ZNF208: variants seen among roughly 807,000 people sequenced by gnomAD.
The protein encoded by ZNF208 is zinc finger protein 208, also known as zinc finger protein 95.
In ZNF208, 10 loss-of-function variants were observed where a neutral mutation model predicts 12.1. That is an observed-to-expected ratio of 0.83 (90% CI 0.51 to 1.40). ZNF208 has a LOEUF of 1.40. Among genes scored for constraint, ZNF208 ranks in the 40% most tolerant of loss-of-function variants. The probability of loss-of-function intolerance (pLI) is 0.00; values close to 1 mark genes in which losing one functional copy is unlikely to be tolerated. For missense variants in ZNF208, 1,652 were observed against 1,485.0 expected (o/e 1.11, Z -1.85); for synonymous variants, 497 against 488.4 (o/e 1.02, Z -0.23).
chr19:22,006,444 T>C (rs1005708873), intron 1 of ZNF208, among the ~76,000 whole-genome samples: 5 of 152,080 alleles, frequency 3.3e-5, no homozygotes, highest in South Asian at 2.1e-4. Flanking sequence ...CAATTTACTG[T>C]TTAACAATTT....
chr19:21,950,347 C>T (rs1310107885), intron 4 of ZNF208, among the ~76,000 whole-genome samples: 3 of 152,088 alleles, frequency 2.0e-5, no homozygotes, highest in African/African-American at 4.8e-5. Context: ...ACAAAAAAGC[C>T]ACCATAAATT....
intron 3 of ZNF208, among the ~76,000 whole-genome samples, chr19:21,979,162 T>C (rs1970489029): frequency 6.6e-6 from 1 of 152,104 alleles, no homozygotes; most frequent in Non-Finnish European, 1.5e-5. Context: ...CTTCAGGATA[T>C]CATCCAGGAG....
intron 3 of ZNF208, among the ~76,000 whole-genome samples, chr19:21,982,083 C>T (rs769113067): frequency 4.6e-5 from 7 of 151,980 alleles, no homozygotes; most frequent in Non-Finnish European, 8.8e-5. Context: ...CATGGCTGGG[C>T]GCAGTGGCTA....
At chr19:21,961,377 T>C (rs2522103), downstream of ZNF208, among the ~76,000 whole-genome samples, 84,260 of 151,960 alleles carry the variant, frequency 0.55, 23,628 homozygotes, top group East Asian at 0.69. Flanking sequence ...AAAGATCACA[T>C]GCTTCTGAGG....
chr19:21,959,524 G>A (rs1970030083), intron 4 of ZNF208, among the ~76,000 whole-genome samples: 1 of 152,170 alleles, frequency 6.6e-6, no homozygotes, highest in Non-Finnish European at 1.5e-5. Context: ...AATGTGAATA[G>A]ACTGACACTG....
At chr19:21,958,597 TTTCAA>T (rs1487494226) in intron 4 of ZNF208, among the ~76,000 whole-genome samples, 1 of 152,176 alleles carries the variant, frequency 6.6e-6, no homozygotes, top group Non-Finnish European at 1.5e-5. Context: ...CCTTGTTTCA[TTTCAA>T]TTCATGTCCT....
intron 2 of ZNF208, among the ~76,000 whole-genome samples, chr19:21,988,377 G>A (rs1386282164): frequency 6.6e-6 from 1 of 152,164 alleles, no homozygotes. Context: ...ACAGCAAACA[G>A]TTTATCATGA....
intron 3 of ZNF208, among the ~76,000 whole-genome samples, chr19:21,982,344 C>A (rs1397025027): frequency 1.7e-5 from 2 of 119,168 alleles, no homozygotes; most frequent in African/African-American, 3.2e-5. Context: ...GGTGATAGAG[C>A]GAGACTCCAT....
chr19:21,978,341 C>G (rs1970472299), intron 3 of ZNF208, among the ~76,000 whole-genome samples: 1 of 152,156 alleles, frequency 6.6e-6, no homozygotes, highest in South Asian at 2.1e-4. Context: ...TGGCACATGG[C>G]AGGTGGCCTT....
chr19:21,975,431 A>G (rs956188885), intron 3 of ZNF208, among the ~76,000 whole-genome samples: 1 of 152,266 alleles, frequency 6.6e-6, no homozygotes. Context: ...TCTCTCAACT[A>G]AAAGTAAATG....
In ZNF208 at chr19:22,001,503, G is replaced by T. The variant is rs563045785; in HGVS notation, c.3+9289C>A. Among the ~76,000 whole-genome samples the T allele has an allele frequency of 7.7e-3, 1,166 of 152,184 alleles. 9 individuals are homozygous for T. Among genetic ancestry groups the T allele is most frequent in the African/African-American group, 0.026 (1,092 of 41,504 alleles). ...AAGAAACTCCTCTCCAACTCATTATGTAAGAACAGCATCATTCTGATACCA... is the reference window on the plus strand; with the variant it reads ...AAGAAACTCCTCTCCAACTCATTATTTAAGAACAGCATCATTCTGATACCA... On this transcript the variant is annotated intron_variant, in intron 1 of 3. Coordinates refer to ENST00000397126, the MANE Select transcript of ZNF208 (RefSeq NM_007153.3).
intron 4 of ZNF208, among the ~76,000 whole-genome samples, chr19:21,958,555 C>T (rs561873687): frequency 1.1e-4 from 16 of 152,178 alleles, no homozygotes; most frequent in Admixed American, 2.0e-4. Context: ...GGTGTGTCAG[C>T]AGCCTCAACC....
chr19:21,946,951 T>A (rs990653112), intron 4 of ZNF208, among the ~76,000 whole-genome samples: 36 of 152,000 alleles, frequency 2.4e-4, no homozygotes, highest in Admixed American at 2.0e-3. Context: ...GTCTTTTTTT[T>A]TTCATTTCAT....
At position 21,944,363 on chromosome 19, in the gene ZNF208, A is replaced by G. The variant is rs577921494; in HGVS notation, c.306-11126T>C. On this transcript the variant is annotated intron_variant, in intron 4 of 4. Coordinates refer to the ZNF208 transcript ENST00000599916. ...ATTCAACAGTAGTTGTCAAAATCAT[A>G]TGCAAAAATTAGCAAAGTCACAATG... Among the ~76,000 whole-genome samples, 4 of 152,338 alleles carry G rather than the reference A, an allele frequency of 2.6e-5. No homozygotes were observed. The East Asian group carries it at 7.7e-4, about 29-fold the overall frequency.
Position 21,971,649 on chromosome 19 carries a change from T to C in ZNF208, c.3385A>G (p.Thr1129Ala), listed in dbSNP as rs879078644. Residue 1129 changes from threonine (T) to alanine (A), a missense_variant, in exon 4 of 4, where the codon ACT becomes GCT. This residue lies in a region of ZNF208 where 1,239 missense variants were observed against 1,086.2 expected (regional missense o/e 1.14). Coordinates refer to ENST00000397126, the MANE Select transcript of ZNF208 (RefSeq NM_007153.3). ...GKSFSTFSIL[T>A]KHKVIHTGEK... ...CCAGTATGAATTACCTTATGTTTAG[T>C]AAGGATTGAGAACGTACTAAAGCTT... 6.2e-7 allele frequency: 1 copy of C among 1,613,428 alleles called. No individual in the cohort carries two copies. The highest frequency in any genetic ancestry group is 1.1e-5 in the South Asian group (1 of 91,020).
chr19:21,943,416 C>A (rs2145509615), intron 4 of ZNF208, among the ~76,000 whole-genome samples: 1 of 152,228 alleles, frequency 6.6e-6, no homozygotes, highest in East Asian at 1.9e-4. Context: ...TGAAACAGAC[C>A]ATTGCATGAA....
chr19:21,963,008 CTG>C (rs1372162382), downstream of ZNF208, among the ~76,000 whole-genome samples: 2 of 152,016 alleles, frequency 1.3e-5, no homozygotes, highest in Middle Eastern at 3.2e-3. Context: ...TTATTATAAA[CTG>C]TATTTCACAT....
At chr19:21,948,339 C>T (rs982149815) in intron 4 of ZNF208, among the ~76,000 whole-genome samples, 1 of 152,182 alleles carries the variant, frequency 6.6e-6, no homozygotes, top group Admixed American at 6.5e-5. Context: ...TTTCTTTGCC[C>T]TGTGAGACAA....
At chr19:21,991,395 A>C (rs1970730991) in intron 1 of ZNF208, 1 of 152,244 alleles carries the variant, frequency 6.6e-6, no homozygotes, top group Non-Finnish European at 1.5e-5. Context: ...GTATAAACTG[A>C]GGGCATAAAC....
Sources: gnomAD v4.1 joint callset for allele counts (sites outside exome capture counted in the v4.1 genomes callset) on GRCh38, gnomAD v4.1.1 for gene constraint, gnomAD v4.1.1 regional missense constraint, MANE v1.5 for transcripts, NCBI Gene and HGNC (gene_info 2026-07-23, HGNC 2026-07-21) for gene names.